LOC112694756: variants seen among roughly 807,000 people sequenced by gnomAD.
chr16:30,069,956 C>G, the LOC112694756 span: 1 of 1,613,912 alleles, frequency 6.2e-7, no homozygotes, highest in Non-Finnish European at 8.5e-7. Flanking sequence ...CTGCAGGCCT[C>G]TGCCCTGAAG....
At chr16:30,058,385 T>C in the LOC112694756 span, among the ~76,000 whole-genome samples, 2 of 152,152 alleles carry the variant, frequency 1.3e-5, no homozygotes, top group African/African-American at 2.4e-5. Context: ...TGGAGTGACT[T>C]GGAGGTTATA....
chr16:30,061,231 A>C, the LOC112694756 span, among the ~76,000 whole-genome samples: 2 of 152,262 alleles, frequency 1.3e-5, no homozygotes, highest in African/African-American at 4.8e-5. Context: ...CGCTGCTCCT[A>C]TTCCCCAAAG....
the LOC112694756 span, among the ~76,000 whole-genome samples, chr16:30,055,989 C>G: frequency 3.3e-5 from 5 of 151,910 alleles, no homozygotes; most frequent in East Asian, 9.7e-4. Context: ...TTAGTAAAGA[C>G]GGGGTTTCAT....
At chr16:30,066,603 C>T in the LOC112694756 span, among the ~76,000 whole-genome samples, 1 of 152,222 alleles carries the variant, frequency 6.6e-6, no homozygotes, top group African/African-American at 2.4e-5. Flanking sequence ...ATGCCCCTTT[C>T]CTACCACCCG....
chr16:30,066,960 C>G, the LOC112694756 span: 1 of 1,552,158 alleles, frequency 6.4e-7, no homozygotes, highest in African/African-American at 1.4e-5. Context: ...TGGCTATGGC[C>G]TTTTCCTTTC....
the LOC112694756 span, among the ~76,000 whole-genome samples, chr16:30,060,511 C>T: frequency 6.6e-6 from 1 of 152,120 alleles, no homozygotes; most frequent in Admixed American, 6.6e-5. Context: ...TGTACTTAAA[C>T]AGCAGATTCC....
chr16:30,066,411 C>T, the LOC112694756 span, among the ~76,000 whole-genome samples: 1 of 152,222 alleles, frequency 6.6e-6, no homozygotes, highest in African/African-American at 2.4e-5. Flanking sequence ...ATTCTGAGCC[C>T]GGAACAGCTG....
chr16:30,068,360 G>A, the LOC112694756 span: 24 of 427,202 alleles, frequency 5.6e-5, no homozygotes, highest in African/African-American at 1.0e-4. Context: ...CACCATGCCC[G>A]GCTTAAGTAA....
the LOC112694756 span, chr16:30,065,895 G>T: frequency 1.3e-5 from 2 of 153,378 alleles, no homozygotes; most frequent in Non-Finnish European, 2.9e-5. Context: ...CTCTGCCGCC[G>T]CACCCTGCAC....
the LOC112694756 span, chr16:30,064,823 G>T: frequency 5.5e-6 from 1 of 183,164 alleles, no homozygotes; most frequent in Non-Finnish European, 1.1e-5. Context: ...TGGGGATGGG[G>T]TTGGGGTTGG....
chr16:30,058,578 C>T, the LOC112694756 span, among the ~76,000 whole-genome samples: 1 of 151,742 alleles, frequency 6.6e-6, no homozygotes, highest in Non-Finnish European at 1.5e-5. Flanking sequence ...CTCCGCCTCT[C>T]GGGTTCAAGC....
chr16:30,069,650 G>A, the LOC112694756 span: 35 of 1,613,426 alleles, frequency 2.2e-5, no homozygotes, highest in East Asian at 8.9e-5. Context: ...GCGCTGCGCC[G>A]CACAGTGCCC....
the LOC112694756 span, chr16:30,070,150 C>G: frequency 6.2e-7 from 1 of 1,614,134 alleles, no homozygotes; most frequent in South Asian, 1.1e-5. Flanking sequence ...AAAGTACACT[C>G]CGAGCGGTCA....
At chr16:30,062,753 A>C in the LOC112694756 span, among the ~76,000 whole-genome samples, 1 of 152,014 alleles carries the variant, frequency 6.6e-6, no homozygotes, top group African/African-American at 2.4e-5. Context: ...AGGCAGGAGA[A>C]CCGCTTGAAT....
chr16:30,058,003 C>T, the LOC112694756 span, among the ~76,000 whole-genome samples: 1 of 152,056 alleles, frequency 6.6e-6, no homozygotes, highest in African/African-American at 2.4e-5. Flanking sequence ...ATTTCTGGCC[C>T]CCTGTCCTGG....
At chr16:30,062,770 G>A in the LOC112694756 span, among the ~76,000 whole-genome samples, 6 of 151,924 alleles carry the variant, frequency 3.9e-5, no homozygotes, top group Non-Finnish European at 8.8e-5. Flanking sequence ...GAATCCAGAG[G>A]TGGAAGTTGC....
At chr16:30,070,133 G>A in the LOC112694756 span, 4 of 1,614,110 alleles carry the variant, frequency 2.5e-6, no homozygotes, top group Non-Finnish European at 3.4e-6. Context: ...AGCCTTGCCT[G>A]TCAAGGAAAG....
chr16:30,058,889 G>A, the LOC112694756 span: 13 of 397,788 alleles, frequency 3.3e-5, no homozygotes, highest in Non-Finnish European at 5.8e-5. Context: ...GCACTGTCTA[G>A]GGCCTTGGGG....
chr16:30,067,686 A>T, the LOC112694756 span: 1 of 1,613,556 alleles, frequency 6.2e-7, no homozygotes, highest in Non-Finnish European at 8.5e-7. Flanking sequence ...TCCGGACGTG[A>T]GGTTTGAGAT....
Sources: allele counts gnomAD v4.1 joint callset (sites outside exome capture counted in the v4.1 genomes callset), GRCh38; gene constraint gnomAD v4.1.1; transcripts MANE v1.5.